The following SORCS1 variants were observed in gnomAD, a reference collection of about 807,000 sequenced individuals.
SORCS1 encodes the protein sortilin related VPS10 domain containing receptor 1.
SORCS1 carries 60 observed loss-of-function variants against 146.1 expected under a neutral mutation model. That is an observed-to-expected ratio of 0.41 (90% CI 0.33 to 0.51). The LOEUF is 0.51. Ranked by LOEUF, SORCS1 falls within the 20% of genes least tolerant of loss-of-function variation. The probability of loss-of-function intolerance (pLI) is 0.21; values close to 1 mark genes in which losing one functional copy is unlikely to be tolerated. For synonymous variants in SORCS1, 637 were observed against 584.0 expected, an observed-to-expected ratio of 1.09 and a Z score of -1.31; for missense variants, 1,352 against 1,487.6, an observed-to-expected ratio of 0.91 and a Z score of 1.50.
intron 1 of SORCS1, among the ~76,000 whole-genome samples, chr10:107,116,536 G>C (rs541753276): frequency 3.8e-4 from 58 of 152,202 alleles, no homozygotes; most frequent in Non-Finnish European, 6.2e-4. Context: ...GGATGAACTT[G>C]GAGGACATTA....
chr10:106,782,188 T>C (rs770094125), intron 3 of SORCS1, among the ~76,000 whole-genome samples: 1 of 152,032 alleles, frequency 6.6e-6, no homozygotes, highest in Non-Finnish European at 1.5e-5. Flanking sequence ...TTTTAAAGAG[T>C]TTATTCTGTC....
At chr10:106,922,537 A>C (rs1461139101) in intron 2 of SORCS1, among the ~76,000 whole-genome samples, 1 of 152,180 alleles carries the variant, frequency 6.6e-6, no homozygotes, top group Non-Finnish European at 1.5e-5. Flanking sequence ...GGCTTCTTTT[A>C]AGGGTAGCTT....
At chr10:106,647,038 TA>T (rs1849502724) in intron 18 of SORCS1, among the ~76,000 whole-genome samples, 1 of 108,494 alleles carries the variant, frequency 9.2e-6, no homozygotes, top group Non-Finnish European at 1.9e-5. Context: ...TATATATATA[TA>T]TATGGTAATG....
chr10:106,693,045 T>C (rs1191644061), intron 9 of SORCS1, among the ~76,000 whole-genome samples: 1 of 152,164 alleles, frequency 6.6e-6, no homozygotes, highest in Non-Finnish European at 1.5e-5. Context: ...CTTCAGGCTA[T>C]GTGATAAGGT....
At chr10:106,889,811 G>C (rs1951153775) in intron 2 of SORCS1, among the ~76,000 whole-genome samples, 2 of 150,058 alleles carry the variant, frequency 1.3e-5, no homozygotes, top group Middle Eastern at 6.8e-3. Context: ...CGTGAACCCG[G>C]GAGGCGGAGC....
intron 2 of SORCS1, among the ~76,000 whole-genome samples, chr10:106,921,930 G>T (rs577088981): frequency 6.6e-6 from 1 of 152,154 alleles, no homozygotes; most frequent in African/African-American, 2.4e-5. Flanking sequence ...TCCCATAAGG[G>T]AAATCTAAGA....
At chr10:106,641,518 A>G (rs1201463558) in intron 18 of SORCS1, among the ~76,000 whole-genome samples, 1 of 152,196 alleles carries the variant, frequency 6.6e-6, no homozygotes, top group South Asian at 2.1e-4. Flanking sequence ...GGATTAAGGA[A>G]GAGATTTAGA....
intron 5 of SORCS1, among the ~76,000 whole-genome samples, chr10:106,742,755 C>A (rs1054153837): frequency 3.9e-5 from 6 of 152,106 alleles, no homozygotes; most frequent in Non-Finnish European, 5.9e-5. Flanking sequence ...ACCCATGGCA[C>A]GAAGTATGGT....
chr10:107,019,206 G>C (rs1399854976), intron 1 of SORCS1, among the ~76,000 whole-genome samples: 1 of 152,116 alleles, frequency 6.6e-6, no homozygotes, highest in Admixed American at 6.6e-5. Context: ...TATATGGCCT[G>C]TATTTTTTAA....
In SORCS1 at chr10:106,861,919, A is replaced by G. The variant is rs899485476; in HGVS notation, c.627-32246T>C. On this transcript the variant is annotated intron_variant, in intron 2 of 25. Coordinates refer to ENST00000263054, the MANE Select transcript of SORCS1 (RefSeq NM_052918.5). ...AAGTGTAAGCTGTCCTCTAGGTGTC[A>G]TAGTATAATGTCAGCTTGTTAGGTT... Among the ~76,000 whole-genome samples, 5 of 152,198 alleles carry G rather than the reference A, an allele frequency of 3.3e-5. No homozygotes were observed. In the East Asian group the frequency reaches 5.8e-4, roughly 18 times the overall value.
chr10:107,123,428 T>C (rs1236111736), intron 1 of SORCS1, among the ~76,000 whole-genome samples: 2 of 152,174 alleles, frequency 1.3e-5, no homozygotes, highest in Non-Finnish European at 2.9e-5. Context: ...TTGCAGTGGA[T>C]AGATGGAAAG....
intron 24 of SORCS1, among the ~76,000 whole-genome samples, chr10:106,590,546 T>C (rs1845539008): frequency 6.6e-6 from 1 of 152,200 alleles, no homozygotes; most frequent in South Asian, 2.1e-4. Context: ...ACGGCTCAGG[T>C]TTGTTCTTCC....
intron 24 of SORCS1, among the ~76,000 whole-genome samples, chr10:106,587,051 A>C (rs375267877): frequency 6.6e-6 from 1 of 152,230 alleles, no homozygotes; most frequent in Non-Finnish European, 1.5e-5. Flanking sequence ...ATTTAGATAT[A>C]TATCTACATG....
At chr10:106,981,323 T>C (rs555109538) in intron 1 of SORCS1, among the ~76,000 whole-genome samples, 3 of 152,228 alleles carry the variant, frequency 2.0e-5, no homozygotes, top group Non-Finnish European at 4.4e-5. Flanking sequence ...TTTGGGAGAG[T>C]AATTAAATCT....
chr10:106,941,738 GA>G (rs1474528064), intron 2 of SORCS1, among the ~76,000 whole-genome samples: 1 of 152,212 alleles, frequency 6.6e-6, no homozygotes, highest in Admixed American at 6.5e-5. Flanking sequence ...AGAAATTTTG[GA>G]ATGGGCTTCA....
intron 5 of SORCS1, among the ~76,000 whole-genome samples, chr10:106,760,878 G>T (rs1206554931): frequency 2.0e-5 from 3 of 152,062 alleles, no homozygotes; most frequent in African/African-American, 7.2e-5. Flanking sequence ...AAGCTGAGGT[G>T]GGTGGACCAC....
chr10:106,755,488 C>A (rs1372781847), intron 5 of SORCS1, among the ~76,000 whole-genome samples: 4 of 151,974 alleles, frequency 2.6e-5, no homozygotes, highest in Non-Finnish European at 4.4e-5. Flanking sequence ...AATATAAATC[C>A]CCTGATGGAA....
chr10:106,898,443 T>C (rs1025878110), intron 2 of SORCS1, among the ~76,000 whole-genome samples: 13 of 152,344 alleles, frequency 8.5e-5, no homozygotes, highest in Admixed American at 2.6e-4. Context: ...GTTAACCACC[T>C]GTGTCATAAT....
chr10:107,085,982 A>G (rs1486744500), intron 1 of SORCS1, among the ~76,000 whole-genome samples: 2 of 152,240 alleles, frequency 1.3e-5, no homozygotes, highest in Admixed American at 1.3e-4. Context: ...ATGCAGTTGG[A>G]TAAAGAAGTC....
Sources: allele counts gnomAD v4.1 joint callset (sites outside exome capture counted in the v4.1 genomes callset), GRCh38; gene constraint gnomAD v4.1.1; transcripts MANE v1.5; gene names NCBI Gene and HGNC (gene_info 2026-07-23, HGNC 2026-07-21).